RBFOX1: variants seen among roughly 807,000 people sequenced by gnomAD.
RBFOX1 encodes the protein RNA binding protein fox-1 homolog 1.
Under a neutral mutation model 57.7 loss-of-function variants are expected in RBFOX1, and 8 were observed. The ratio of observed to expected loss-of-function variants is 0.14; its 90% CI spans 0.08 to 0.25. The LOEUF is 0.25. RBFOX1 is among the 10% of genes least tolerant of loss of function. The pLI, the probability that RBFOX1 is intolerant of heterozygous loss-of-function variation, is 1.00. For synonymous variants in RBFOX1, 326 were observed against 222.4 expected (o/e 1.47, Z -4.15); for missense variants, 611 against 548.5 (o/e 1.11, Z -1.14).
At chr16:6,558,079 A>C (rs1021270772) in intron 2 of RBFOX1, among the ~76,000 whole-genome samples, 1 of 152,152 alleles carries the variant, frequency 6.6e-6, no homozygotes. Flanking sequence ...TATGTTAGTC[A>C]CTTAAATTAA....
chr16:6,929,392 C>T (rs1167499423), intron 3 of RBFOX1, among the ~76,000 whole-genome samples: 2 of 152,148 alleles, frequency 1.3e-5, no homozygotes, highest in Non-Finnish European at 2.9e-5. Context: ...GTCAAAATGA[C>T]ATCCACAAGC....
chr16:7,194,586 G>C (rs945656544), intron 4 of RBFOX1, among the ~76,000 whole-genome samples: 4 of 152,068 alleles, frequency 2.6e-5, no homozygotes, highest in African/African-American at 9.7e-5. Context: ...AATCCATTCT[G>C]TTTTCTACCC....
chr16:6,440,549 C>T (rs916390857), intron 2 of RBFOX1, among the ~76,000 whole-genome samples: 18 of 152,156 alleles, frequency 1.2e-4, no homozygotes, highest in African/African-American at 4.3e-4. Context: ...TGCCTGTAAT[C>T]CCAGCAATCT....
chr16:5,947,727 C>G lies in RBFOX1; in HGVS notation c.351+80392C>G, dbSNP rs922800067. 4.6e-5 allele frequency among the ~76,000 whole-genome samples: 7 copies of G among 152,198 alleles called. No individual in the cohort carries two copies. The highest frequency in any genetic ancestry group is 8.8e-5 in the Non-Finnish European group (6 of 68,036). On this transcript the variant is annotated intron_variant, in intron 4 of 19. Coordinates refer to the RBFOX1 transcript ENST00000641259. The surrounding 1 kb of genome is among the most constrained non-coding windows in gnomAD (Gnocchi z 7.2). Reference sequence around the variant, plus strand: ...GTTAGGGATTTCTGCACCCTTTTTACTATGTCCAGGAACATTCTTAAGGGG... The same window carrying G: ...GTTAGGGATTTCTGCACCCTTTTTAGTATGTCCAGGAACATTCTTAAGGGG...
At chr16:5,632,510 G>C (rs2151307390) in intron 3 of RBFOX1, 1 of 152,322 alleles carries the variant, frequency 6.6e-6, no homozygotes, top group East Asian at 1.9e-4. Flanking sequence ...GTATTTTTCA[G>C]CAAGGCAAGG....
At chr16:5,809,291 A>G (rs1488369376) in intron 3 of RBFOX1, among the ~76,000 whole-genome samples, 1 of 152,206 alleles carries the variant, frequency 6.6e-6, no homozygotes, top group East Asian at 1.9e-4. Context: ...AAACACCAAA[A>G]GCAATGGCAA....
chr16:6,588,445 G>C (rs1480828015), intron 2 of RBFOX1, among the ~76,000 whole-genome samples: 3 of 152,074 alleles, frequency 2.0e-5, no homozygotes, highest in Admixed American at 1.3e-4. Flanking sequence ...CTGAGGTCAG[G>C]AGTTCGGGAC....
At chr16:6,523,243 G>A (rs1375386992) in intron 2 of RBFOX1, among the ~76,000 whole-genome samples, 1 of 152,030 alleles carries the variant, frequency 6.6e-6, no homozygotes, top group Non-Finnish European at 1.5e-5. Flanking sequence ...GGAAATACCT[G>A]AGGAGGGAAG....
intron 1 of RBFOX1, among the ~76,000 whole-genome samples, chr16:6,078,991 A>G (rs1157931480): frequency 6.6e-6 from 1 of 152,190 alleles, no homozygotes; most frequent in Non-Finnish European, 1.5e-5. Context: ...CTTGTAGTGT[A>G]TATTTAATGA....
chr16:5,763,013 A>G (rs975199572), intron 3 of RBFOX1, among the ~76,000 whole-genome samples: 1 of 152,172 alleles, frequency 6.6e-6, no homozygotes, highest in African/African-American at 2.4e-5. Flanking sequence ...TATTATGAGC[A>G]TGTACTGTTT....
chr16:5,840,851 C>T (rs990149059), intron 3 of RBFOX1, among the ~76,000 whole-genome samples: 3 of 152,140 alleles, frequency 2.0e-5, no homozygotes, highest in African/African-American at 7.2e-5. Context: ...AGAGCCAGTG[C>T]CTGTCTGGGT....
intron 4 of RBFOX1, among the ~76,000 whole-genome samples, chr16:5,959,509 G>T (rs2059708745): frequency 6.6e-6 from 1 of 152,156 alleles, no homozygotes; most frequent in Non-Finnish European, 1.5e-5. Context: ...CATTTTGAGT[G>T]CATGGGGTAA....
At chr16:6,035,637 C>G (rs1317679131) in intron 1 of RBFOX1, among the ~76,000 whole-genome samples, 1 of 152,136 alleles carries the variant, frequency 6.6e-6, no homozygotes, top group Non-Finnish European at 1.5e-5. Flanking sequence ...AGGCATCAGC[C>G]CTCCCAGCTC....
intron 4 of RBFOX1, among the ~76,000 whole-genome samples, chr16:7,497,840 A>C (rs1374316384): frequency 6.6e-6 from 1 of 152,218 alleles, no homozygotes; most frequent in Non-Finnish European, 1.5e-5. Context: ...GAGCGTTTTC[A>C]AGAGCCCTTC....
intron 3 of RBFOX1, among the ~76,000 whole-genome samples, chr16:6,735,368 C>T (rs2069892192): frequency 1.3e-5 from 2 of 152,152 alleles, no homozygotes; most frequent in Non-Finnish European, 2.9e-5. Flanking sequence ...GGAGCTTGTA[C>T]CTACTATTCA....
intron 2 of RBFOX1, among the ~76,000 whole-genome samples, chr16:6,562,360 G>C (rs2097189949): frequency 6.6e-6 from 1 of 152,200 alleles, no homozygotes; most frequent in Admixed American, 6.5e-5. Context: ...ATTCTTGTGA[G>C]TGAAATAGTA....
intron 3 of RBFOX1, among the ~76,000 whole-genome samples, chr16:6,999,221 T>A (rs796949536): frequency 0.032 from 3,263 of 101,048 alleles, 81 homozygotes; most frequent in Non-Finnish European, 0.052. Context: ...TATTTATTTT[T>A]TTTATTTATT....
intron 1 of RBFOX1, among the ~76,000 whole-genome samples, chr16:6,289,975 T>A (rs994009343): frequency 6.6e-6 from 1 of 152,120 alleles, no homozygotes; most frequent in Non-Finnish European, 1.5e-5. Context: ...AAGGTGAATA[T>A]GGAGAAGGGG....
intron 2 of RBFOX1, among the ~76,000 whole-genome samples, chr16:6,579,400 C>G (rs879922595): frequency 4.6e-5 from 7 of 152,010 alleles, no homozygotes; most frequent in Non-Finnish European, 8.8e-5. Flanking sequence ...CCACCCAAAT[C>G]TCATCTTGAA....
Sources: allele counts gnomAD v4.1 joint callset (sites outside exome capture counted in the v4.1 genomes callset), GRCh38; gene constraint gnomAD v4.1.1; non-coding constraint Gnocchi (gnomAD v3.1); transcripts MANE v1.5; gene names NCBI Gene and HGNC (gene_info 2026-07-23, HGNC 2026-07-21).